Variants in GMDS observed in about 807,000 individuals in gnomAD.
GMDS encodes the protein GDP-mannose 4,6-dehydratase.
In GMDS, 20 loss-of-function variants were observed where a neutral mutation model predicts 49.9. The observed-to-expected ratio is 0.40, with a 90% CI of 0.28 to 0.58. GMDS has a LOEUF of 0.58. GMDS is among the 20% of genes least tolerant of loss of function. GMDS has a pLI of 0.42. For missense variants in GMDS, 362 were observed against 481.4 expected, an observed-to-expected ratio of 0.75 and a Z score of 2.32; for synonymous variants, 177 against 178.6, an observed-to-expected ratio of 0.99 and a Z score of 0.07.
intron 9 of GMDS, among the ~76,000 whole-genome samples, chr6:1,647,413 A>G (rs564367905): frequency 2.2e-4 from 33 of 152,180 alleles, no homozygotes; most frequent in Admixed American, 4.6e-4. Context: ...AAATCCTAAA[A>G]AAAGAGTGTC....
intron 7 of GMDS, among the ~76,000 whole-genome samples, chr6:1,812,872 A>G (rs1450793960): frequency 6.6e-6 from 1 of 152,158 alleles, no homozygotes; most frequent in African/African-American, 2.4e-5. Flanking sequence ...ACAGAAATTT[A>G]TTTTTGTTAG....
intron 8 of GMDS, among the ~76,000 whole-genome samples, chr6:1,734,575 G>A (rs891591390): frequency 2.6e-5 from 4 of 152,362 alleles, no homozygotes; most frequent in Non-Finnish European, 4.4e-5. Flanking sequence ...CCTGTTTCAC[G>A]TGGTCTGAGC....
At chr6:2,240,601 C>CAAAAAAAAAAA (rs57052982) in intron 1 of GMDS, among the ~76,000 whole-genome samples, 20 of 83,908 alleles carry the variant, frequency 2.4e-4, no homozygotes, top group South Asian at 4.1e-4. Context: ...AAGACTGTCT[C>CAAAAAAAAAAA]AAAAAAAAAA....
intron 1 of GMDS, among the ~76,000 whole-genome samples, chr6:2,166,045 A>G (rs1196481985): frequency 6.6e-6 from 1 of 152,236 alleles, no homozygotes; most frequent in East Asian, 1.9e-4. Context: ...AAACAGACTA[A>G]ATGGATGACA....
chr6:1,747,490 GCA>G (rs1178016445), intron 7 of GMDS, among the ~76,000 whole-genome samples: 2 of 118,818 alleles, frequency 1.7e-5, no homozygotes, highest in African/African-American at 2.8e-5. Flanking sequence ...GCGTGTGCGC[GCA>G]CACACACACA....
intron 7 of GMDS, among the ~76,000 whole-genome samples, chr6:1,909,367 ACT>A (rs1268084463): frequency 6.6e-5 from 10 of 152,244 alleles, no homozygotes; most frequent in Admixed American, 5.2e-4. Flanking sequence ...AGGTACAAAG[ACT>A]CTGCCTAGTA....
chr6:2,066,351 T>C (rs1159008071), intron 4 of GMDS, among the ~76,000 whole-genome samples: 1 of 133,224 alleles, frequency 7.5e-6, no homozygotes, highest in East Asian at 2.2e-4. Flanking sequence ...AGGAAGAAAC[T>C]GCATCAACTA....
chr6:2,106,913 T>C (rs2127491822), intron 4 of GMDS, among the ~76,000 whole-genome samples: 1 of 152,230 alleles, frequency 6.6e-6, no homozygotes, highest in Non-Finnish European at 1.5e-5. Flanking sequence ...ATTTACTAAC[T>C]TACTCTTTAC....
intron 7 of GMDS, among the ~76,000 whole-genome samples, chr6:1,776,061 G>A (rs1768820842): frequency 1.3e-5 from 2 of 152,168 alleles, no homozygotes; most frequent in Admixed American, 1.3e-4. Context: ...GTCGTGGAAT[G>A]ACACGGGCAG....
chr6:1,867,061 C>T (rs1209719409), intron 7 of GMDS, among the ~76,000 whole-genome samples: 1 of 152,206 alleles, frequency 6.6e-6, no homozygotes, highest in East Asian at 1.9e-4. Flanking sequence ...ATATATTTAG[C>T]TACATTTCCC....
chr6:2,167,652 T>C (rs1372361904), intron 1 of GMDS, among the ~76,000 whole-genome samples: 1 of 152,056 alleles, frequency 6.6e-6, no homozygotes, highest in East Asian at 1.9e-4. Context: ...TAATATGCCC[T>C]TTCCTGTCTT....
chr6:1,714,354 T>A (rs1766095323), intron 9 of GMDS, among the ~76,000 whole-genome samples: 1 of 151,650 alleles, frequency 6.6e-6, no homozygotes, highest in Non-Finnish European at 1.5e-5. Context: ...TTGTTCTAAA[T>A]GACTATCATC....
At chr6:2,030,727 C>T (rs1454878035) in intron 4 of GMDS, among the ~76,000 whole-genome samples, 1 of 152,024 alleles carries the variant, frequency 6.6e-6, no homozygotes, top group Non-Finnish European at 1.5e-5. Context: ...TGCATTGGCT[C>T]CAAACAAGGC....
At chr6:1,748,542 T>A (rs1013519336) in intron 7 of GMDS, among the ~76,000 whole-genome samples, 1 of 152,252 alleles carries the variant, frequency 6.6e-6, no homozygotes, top group Non-Finnish European at 1.5e-5. Flanking sequence ...TTTTCCTGTT[T>A]ACTACCAGGT....
chr6:2,238,799 A>G (rs1008596869), intron 1 of GMDS, among the ~76,000 whole-genome samples: 8 of 152,176 alleles, frequency 5.3e-5, no homozygotes, highest in Non-Finnish European at 1.2e-4. Flanking sequence ...ATGTACCAAA[A>G]TATCACACAT....
chr6:1,756,514 T>C (rs9391930), intron 7 of GMDS, among the ~76,000 whole-genome samples: 84,944 of 151,804 alleles, frequency 0.56, 24,302 homozygotes, highest in African/African-American at 0.68. Context: ...TCAGGTGATC[T>C]GCCCGCCTCG....
intron 9 of GMDS, among the ~76,000 whole-genome samples, chr6:1,693,995 G>A (rs548983477): frequency 2.0e-5 from 3 of 152,328 alleles, no homozygotes; most frequent in Admixed American, 2.0e-4. Context: ...TGACAGGGCT[G>A]AGTTGAAAAC....
chr6:1,916,763 A>C (rs1761424938), intron 7 of GMDS, among the ~76,000 whole-genome samples: 1 of 152,206 alleles, frequency 6.6e-6, no homozygotes, highest in Admixed American at 6.5e-5. Context: ...CAGCCAGTTA[A>C]TGATGCTTTG....
intron 1 of GMDS, among the ~76,000 whole-genome samples, chr6:2,203,302 AT>A (rs1255400558): frequency 6.6e-6 from 1 of 152,182 alleles, no homozygotes; most frequent in Non-Finnish European, 1.5e-5. Context: ...TGGAAAAAAA[AT>A]ATGTAAGAAA....
Sources: allele counts gnomAD v4.1 joint callset (sites outside exome capture counted in the v4.1 genomes callset), GRCh38; gene constraint gnomAD v4.1.1; transcripts MANE v1.5; gene names NCBI Gene and HGNC (gene_info 2026-07-23, HGNC 2026-07-21).